CCDC146: variants seen among roughly 807,000 people sequenced by gnomAD.
The protein encoded by CCDC146 is coiled-coil domain-containing protein 146.
CCDC146 carries 92 observed loss-of-function variants against 119.3 expected under a neutral mutation model. That is an observed-to-expected ratio of 0.77 (90% CI 0.65 to 0.92). The LOEUF is 0.92. Ranked by LOEUF, CCDC146 falls within the 40% of genes least tolerant of loss-of-function variation. CCDC146 has a pLI of 0.00. For missense variants in CCDC146, 1,000 were observed against 1,103.0 expected (o/e 0.91, Z 1.32); for synonymous variants, 372 against 371.8 (o/e 1.00, Z -0.01).
At chr7:77,250,973 T>G (rs1184813006) in intron 4 of CCDC146, among the ~76,000 whole-genome samples, 5 of 114,650 alleles carry the variant, frequency 4.4e-5, no homozygotes, top group Non-Finnish European at 7.2e-5. Flanking sequence ...TCTCTGGTAT[T>G]TGTGTGTGTG....
intron 1 of CCDC146, among the ~76,000 whole-genome samples, chr7:77,162,462 T>C (rs934703687): frequency 2.6e-5 from 4 of 152,224 alleles, no homozygotes; most frequent in African/African-American, 9.6e-5. Context: ...CATTGGTTCA[T>C]TTCTGGGCTC....
intron 2 of CCDC146, among the ~76,000 whole-genome samples, chr7:77,173,288 A>G (rs1208710427): frequency 1.3e-5 from 2 of 152,156 alleles, no homozygotes; most frequent in Non-Finnish European, 2.9e-5. Context: ...AAGACCTAAC[A>G]GGGCAGGAAC....
intron 9 of CCDC146, among the ~76,000 whole-genome samples, chr7:77,266,848 T>C (rs938710729): frequency 4.6e-5 from 7 of 152,180 alleles, no homozygotes; most frequent in Non-Finnish European, 8.8e-5. Flanking sequence ...AGACATTCAA[T>C]GGATCCTTAA....
At chr7:77,139,817 CAA>C (rs760228719) in intron 1 of CCDC146, among the ~76,000 whole-genome samples, 1 of 151,806 alleles carries the variant, frequency 6.6e-6, no homozygotes, top group Non-Finnish European at 1.5e-5. Flanking sequence ...TGAAATTTTA[CAA>C]AGTTATAGGA....
rs1793181402 is a variant in CCDC146 at position 77,256,510 on chromosome 7, G to A, written c.684+1G>A. The A allele has an allele frequency of 1.3e-6, 2 of 1,597,348 alleles. No individual in the cohort carries two copies. Among genetic ancestry groups the A allele is most frequent in the African/African-American group, 1.4e-5 (1 of 73,732 alleles). On this transcript the variant is annotated splice_donor_variant, in intron 6 of 18. Coordinates refer to ENST00000285871, the MANE Select transcript of CCDC146 (RefSeq NM_020879.3). LOFTEE classifies it high-confidence loss of function. ...GTTGGGACATCAGGTCGTCCTAAAG[G>A]TGTGCTACTTACCGTTGATATTTAA...
In CCDC146 at chr7:77,256,510, G is replaced by T; in HGVS notation, c.684+1G>T. On this transcript the variant is annotated splice_donor_variant, in intron 6 of 18. Coordinates refer to ENST00000285871, the MANE Select transcript of CCDC146 (RefSeq NM_020879.3). LOFTEE classifies it high-confidence loss of function. ...GTTGGGACATCAGGTCGTCCTAAAG[G>T]TGTGCTACTTACCGTTGATATTTAA... 1 of 1,597,466 alleles carries T rather than the reference G, an allele frequency of 6.3e-7. No individual in the cohort carries two copies. Among genetic ancestry groups the T allele is most frequent in the Non-Finnish European group, 8.5e-7 (1 of 1,175,190 alleles).
At chr7:77,170,276 G>A (rs147455375) in intron 2 of CCDC146, among the ~76,000 whole-genome samples, 8 of 152,192 alleles carry the variant, frequency 5.3e-5, no homozygotes, top group South Asian at 2.1e-4. Flanking sequence ...GTGGTCTCCA[G>A]CTCTTCTATG....
intron 1 of CCDC146, among the ~76,000 whole-genome samples, chr7:77,160,056 T>A (rs1320977172): frequency 6.6e-6 from 1 of 152,224 alleles, no homozygotes; most frequent in Non-Finnish European, 1.5e-5. Flanking sequence ...TTTTCTCAGG[T>A]TTGTCAAAGA....
chr7:77,134,902 G>A (rs376072602), intron 1 of CCDC146, among the ~76,000 whole-genome samples: 2 of 152,310 alleles, frequency 1.3e-5, no homozygotes, highest in African/African-American at 2.4e-5. Context: ...CATAAAGTAT[G>A]TGATAATTAT....
At chr7:77,279,622 C>T (rs1417265338) in intron 13 of CCDC146, among the ~76,000 whole-genome samples, 2 of 152,208 alleles carry the variant, frequency 1.3e-5, no homozygotes, top group Admixed American at 1.3e-4. Flanking sequence ...GGTGTCCAGA[C>T]TCAAATACCA....
At chr7:77,206,385 G>A (rs1316279170) in intron 2 of CCDC146, among the ~76,000 whole-genome samples, 2 of 152,120 alleles carry the variant, frequency 1.3e-5, no homozygotes, top group African/African-American at 4.8e-5. Flanking sequence ...GGGAGGCCAA[G>A]GCAGGCAGAT....
chr7:77,287,293 T>G (rs1394254767), intron 16 of CCDC146, 147 bp from the exon 17 acceptor site: 1 of 758,592 alleles, frequency 1.3e-6, no homozygotes, highest in Admixed American at 2.7e-5. Context: ...CTGCAGGGGC[T>G]GGGGCAGGGA....
At chr7:77,244,786 C>G (rs931186853) in intron 4 of CCDC146, among the ~76,000 whole-genome samples, 3 of 112,438 alleles carry the variant, frequency 2.7e-5, no homozygotes, top group African/African-American at 3.7e-5. Flanking sequence ...ATTCCCTCCA[C>G]ACCCTCCCAC....
chr7:77,199,636 C>A (rs2075761), intron 2 of CCDC146: 1 of 1,614,082 alleles, frequency 6.2e-7, no homozygotes, highest in South Asian at 1.1e-5. Flanking sequence ...GGGGCACTCC[C>A]CTGCCTCTTC....
intron 1 of CCDC146, among the ~76,000 whole-genome samples, chr7:77,151,389 G>A (rs1027390305): frequency 8.6e-5 from 13 of 151,986 alleles, no homozygotes; most frequent in Non-Finnish European, 1.2e-4. Context: ...CGAGGGGATG[G>A]GAATGGGAGG....
intron 2 of CCDC146, among the ~76,000 whole-genome samples, chr7:77,228,667 A>C (rs1330669019): frequency 2.6e-5 from 4 of 152,224 alleles, no homozygotes; most frequent in Non-Finnish European, 4.4e-5. Context: ...TCCTTTGGGT[A>C]TATACCCATT....
At chr7:77,289,254 C>G (rs1793901379) in intron 17 of CCDC146, among the ~76,000 whole-genome samples, 1 of 152,178 alleles carries the variant, frequency 6.6e-6, no homozygotes, top group Non-Finnish European at 1.5e-5. Context: ...CCTGACTTAT[C>G]AAAGCTGATG....
chr7:77,199,491 C>T (rs762352655), intron 2 of CCDC146: 5 of 1,614,134 alleles, frequency 3.1e-6, no homozygotes, highest in Non-Finnish European at 4.2e-6. Context: ...CATCAGCCTG[C>T]AGCTTGCAGT....
chr7:77,213,945 T>G (rs746367617), intron 2 of CCDC146, among the ~76,000 whole-genome samples: 1 of 152,266 alleles, frequency 6.6e-6, no homozygotes, highest in South Asian at 2.1e-4. Flanking sequence ...GCAGGTGTCT[T>G]TTTGATAGAA....
Sources: allele counts gnomAD v4.1 joint callset (sites outside exome capture counted in the v4.1 genomes callset), GRCh38; gene constraint gnomAD v4.1.1; transcripts MANE v1.5; gene names NCBI Gene and HGNC (gene_info 2026-07-23, HGNC 2026-07-21).